The following TMEM30A variants were observed in gnomAD, a reference collection of about 807,000 sequenced individuals.
TMEM30A encodes the protein cell cycle control protein 50A.
Under a neutral mutation model 38.2 loss-of-function variants are expected in TMEM30A, and 24 were observed. The ratio of observed to expected loss-of-function variants is 0.63; its 90% CI spans 0.46 to 0.88. The LOEUF is 0.88. TMEM30A is among the 40% of genes least tolerant of loss of function. The probability of loss-of-function intolerance (pLI) is 0.00; values close to 1 mark genes in which losing one functional copy is unlikely to be tolerated. For missense variants in TMEM30A, 370 were observed against 458.6 expected, an observed-to-expected ratio of 0.81 and a Z score of 1.77; for synonymous variants, 145 against 161.6, an observed-to-expected ratio of 0.90 and a Z score of 0.78.
intron 3 of TMEM30A, among the ~76,000 whole-genome samples, chr6:75,262,802 C>T (rs370044790): frequency 1.3e-5 from 2 of 152,200 alleles, no homozygotes; most frequent in East Asian, 3.8e-4. Context: ...GGGAAGCAGA[C>T]CCTTACAAAA....
At chr6:75,281,290 T>C (rs1467725010) in intron 1 of TMEM30A, among the ~76,000 whole-genome samples, 1 of 152,122 alleles carries the variant, frequency 6.6e-6, no homozygotes, top group Admixed American at 6.5e-5. Context: ...CCAACAAGGG[T>C]CCTAGACTAG....
intron 1 of TMEM30A, among the ~76,000 whole-genome samples, chr6:75,269,035 C>CTG: frequency 6.6e-6 from 1 of 152,162 alleles, no homozygotes; most frequent in Non-Finnish European, 1.5e-5. Context: ...CACAGCAAAA[C>CTG]TGAACAAAGT....
chr6:75,263,058 G>A (rs965082802), intron 3 of TMEM30A, among the ~76,000 whole-genome samples: 3 of 152,186 alleles, frequency 2.0e-5, no homozygotes, highest in Non-Finnish European at 2.9e-5. Flanking sequence ...AATGGAAAAA[G>A]GATAGGAGGA....
Position 75,255,963 on chromosome 6 carries a change from C to T in TMEM30A, c.*139G>A, listed in dbSNP as rs1398682957. Reference sequence around the variant, plus strand: ...AAGTCATCCGTAGGGAAGAAGCAAACAACAAAGACTGCTTTTTTTTAGAAA... The same window carrying T: ...AAGTCATCCGTAGGGAAGAAGCAAATAACAAAGACTGCTTTTTTTTAGAAA... On this transcript the variant is annotated 3_prime_UTR_variant, in exon 7 of 7. Transcript: ENST00000230461. The T allele has an allele frequency of 3.3e-6, 2 of 606,536 alleles. No individual in the cohort carries two copies. Among genetic ancestry groups the T allele is most frequent in the East Asian group, 5.7e-5 (2 of 34,958 alleles). 37.6% of individuals were successfully genotyped at this position (606,536 alleles called of 1,614,324 possible). A position where few individuals can be genotyped will look rare whatever the true frequency, so the allele number is the denominator to read the frequency against.
At position 75,265,450 on chromosome 6, in the gene TMEM30A, G is replaced by C. The variant is rs180772544; in HGVS notation, c.346-112C>G. ...GGACTTTTATTAGTTTACAATTTGT[G>C]ATAGGTAGTGGGGTAAATTCCACCA... On this transcript the variant is annotated intron_variant, in intron 2 of 6. Coordinates refer to ENST00000230461, the MANE Select transcript of TMEM30A (RefSeq NM_018247.4). The C allele has an allele frequency of 7.8e-4, 404 of 515,030 alleles. 3 individuals are homozygous for C. The highest frequency in any genetic ancestry group is 7.4e-3 in the African/African-American group (375 of 50,386). 31.9% of individuals were successfully genotyped at this position (515,030 alleles called of 1,614,324 possible). A position where few individuals can be genotyped will look rare whatever the true frequency, so the allele number is the denominator to read the frequency against.
chr6:75,261,771 T>C (rs1241121672), intron 3 of TMEM30A, among the ~76,000 whole-genome samples: 1 of 152,208 alleles, frequency 6.6e-6, no homozygotes, highest in Non-Finnish European at 1.5e-5. Context: ...ATCTATATTC[T>C]CCATGTCTAG....
chr6:75,261,594 G>T (rs1771966424), intron 3 of TMEM30A, among the ~76,000 whole-genome samples: 1 of 152,302 alleles, frequency 6.6e-6, no homozygotes, highest in South Asian at 2.1e-4. Context: ...TTCAACTAGA[G>T]ATCATATCAA....
chr6:75,263,819 T>A (rs1468264548), intron 3 of TMEM30A, among the ~76,000 whole-genome samples: 2 of 152,230 alleles, frequency 1.3e-5, no homozygotes, highest in Non-Finnish European at 2.9e-5. Flanking sequence ...CTATTCCTGG[T>A]GTGGCCTGAA....
intron 1 of TMEM30A, 73 bp from the exon 2 acceptor site, chr6:75,267,821 T>A: frequency 1.0e-6 from 1 of 989,354 alleles, no homozygotes; most frequent in Non-Finnish European, 1.5e-6. Flanking sequence ...AACGACTTGC[T>A]ATTAAAAGGA....
At chr6:75,274,637 T>C (rs1043254898) in intron 1 of TMEM30A, among the ~76,000 whole-genome samples, 1 of 152,158 alleles carries the variant, frequency 6.6e-6, no homozygotes, top group African/African-American at 2.4e-5. Flanking sequence ...TACACTTAGG[T>C]TGATTTCCAG....
At chr6:75,277,850 T>C (rs1364700532) in intron 1 of TMEM30A, among the ~76,000 whole-genome samples, 2 of 152,120 alleles carry the variant, frequency 1.3e-5, no homozygotes, top group African/African-American at 4.8e-5. Flanking sequence ...GAGTTTGCAG[T>C]GCGCTACGAC....
chr6:75,282,602 T>C (rs1482703230), intron 1 of TMEM30A, among the ~76,000 whole-genome samples: 1 of 152,226 alleles, frequency 6.6e-6, no homozygotes, highest in African/African-American at 2.4e-5. Context: ...GATCTTAGTG[T>C]AGGGTGAAAG....
In TMEM30A at chr6:75,256,256, AT is replaced by A; in HGVS notation, c.931del (p.Ile311SerfsTer2). 1 of 1,613,552 alleles carries A rather than the reference AT, an allele frequency of 6.2e-7. No individual in the cohort carries two copies. The highest frequency in any genetic ancestry group is 8.5e-7 in the Non-Finnish European group (1 of 1,179,562). On this transcript the variant is annotated frameshift_variant, in exon 7 of 7. Transcript: ENST00000230461. LOFTEE classifies it high-confidence loss of function. ...TCCCATCCATGAAATAGTGCTCAAG[AT>A]CATCCGTTTTCGTCCATCAAAATAA... is the stretch of plus-strand genomic sequence containing the variant. ...VHYFDGRKRM[I>X]LSTISWMGGK...
chr6:75,255,947 G>C lies in TMEM30A; in HGVS notation c.*155C>G. The C allele has an allele frequency of 7.3e-6, 4 of 547,944 alleles. No homozygotes were observed. The highest frequency in any genetic ancestry group is 2.9e-5 in the East Asian group (1 of 34,240). 33.9% of individuals were successfully genotyped at this position (547,944 alleles called of 1,614,324 possible). ...CGTCATATATTTTTAGAAGTCATCC[G>C]TAGGGAAGAAGCAAACAACAAAGAC... is the stretch of plus-strand genomic sequence containing the variant. On this transcript the variant is annotated 3_prime_UTR_variant, in exon 7 of 7. Coordinates refer to ENST00000230461, the MANE Select transcript of TMEM30A (RefSeq NM_018247.4).
chr6:75,267,595 T>A (rs2842448), intron 2 of TMEM30A, 46 bp downstream of exon 2: 35,887 of 1,421,430 alleles, frequency 0.025, 637 homozygotes, highest in Middle Eastern at 0.041. Context: ...AGTATCAGTA[T>A]TTTTTAAAGC....
chr6:75,276,957 T>C (rs1389292242), intron 1 of TMEM30A, among the ~76,000 whole-genome samples: 1 of 152,118 alleles, frequency 6.6e-6, no homozygotes, highest in African/African-American at 2.4e-5. Flanking sequence ...TTCCCTCACA[T>C]ATCAATATGG....
intron 1 of TMEM30A, among the ~76,000 whole-genome samples, chr6:75,274,390 A>C (rs1247794560): frequency 6.6e-6 from 1 of 152,230 alleles, no homozygotes; most frequent in Non-Finnish European, 1.5e-5. Flanking sequence ...CCATAAGAGA[A>C]ATTTTAAATA....
intron 1 of TMEM30A, among the ~76,000 whole-genome samples, chr6:75,269,500 T>A (rs1225337014): frequency 6.6e-6 from 1 of 152,234 alleles, no homozygotes; most frequent in Non-Finnish European, 1.5e-5. Context: ...CAATAAATAA[T>A]ATCCACTGTG....
chr6:75,263,114 G>T (rs745379938), intron 3 of TMEM30A, among the ~76,000 whole-genome samples: 14 of 152,150 alleles, frequency 9.2e-5, no homozygotes, highest in Non-Finnish European at 1.5e-4. Flanking sequence ...TCTGGAGGAG[G>T]TATCATTTAA....
Sources: allele counts gnomAD v4.1 joint callset (sites outside exome capture counted in the v4.1 genomes callset), GRCh38; gene constraint gnomAD v4.1.1; transcripts MANE v1.5; gene names NCBI Gene and HGNC (gene_info 2026-07-23, HGNC 2026-07-21).